Variants in CDH18 observed in about 807,000 individuals in gnomAD.
CDH18 encodes cadherin 18.
In CDH18, 31 loss-of-function variants were observed where a neutral mutation model predicts 67.9. The observed-to-expected ratio is 0.46, with a 90% CI of 0.34 to 0.62. The LOEUF (loss-of-function observed/expected upper bound fraction) is 0.62, where lower values mean the gene tolerates loss of function less well. CDH18 is among the 20% of genes least tolerant of loss of function. CDH18 has a pLI of 0.01. For missense variants in CDH18, 890 were observed against 975.5 expected, an observed-to-expected ratio of 0.91 and a Z score of 1.17; for synonymous variants, 362 against 347.2, an observed-to-expected ratio of 1.04 and a Z score of -0.48.
intron 5 of CDH18, among the ~76,000 whole-genome samples, chr5:19,700,577 G>A (rs1207639170): frequency 6.6e-6 from 1 of 152,140 alleles, no homozygotes; most frequent in African/African-American, 2.4e-5. Flanking sequence ...AGGATTGTGA[G>A]CAGAAAGCAC....
At chr5:20,046,095 G>A (rs146287565) in intron 2 of CDH18, among the ~76,000 whole-genome samples, 245 of 152,080 alleles carry the variant, frequency 1.6e-3, no homozygotes, top group Non-Finnish European at 2.5e-3. Context: ...ACTTTAGGAT[G>A]CTATTACAAA....
chr5:19,689,664 C>A (rs1274301613), intron 5 of CDH18, among the ~76,000 whole-genome samples: 2 of 151,620 alleles, frequency 1.3e-5, no homozygotes, highest in Admixed American at 6.6e-5. Flanking sequence ...TACAAAAAAA[C>A]CACCAAACCA....
intron 2 of CDH18, among the ~76,000 whole-genome samples, chr5:20,163,571 G>A (rs1017325383): frequency 6.6e-6 from 1 of 151,986 alleles, no homozygotes; most frequent in African/African-American, 2.4e-5. Flanking sequence ...GATCACCATG[G>A]ACTTAATTAT....
intron 1 of CDH18, among the ~76,000 whole-genome samples, chr5:20,313,900 G>T (rs1040469209): frequency 2.3e-4 from 35 of 152,084 alleles, no homozygotes; most frequent in African/African-American, 8.4e-4. Context: ...ACTCAAAGAA[G>T]GCGACCAACA....
At chr5:19,750,138 C>T (rs369779951) in intron 3 of CDH18, among the ~76,000 whole-genome samples, 14 of 152,078 alleles carry the variant, frequency 9.2e-5, no homozygotes, top group South Asian at 8.3e-4. Context: ...GTAACACTAA[C>T]GGGAAACCAT....
At chr5:20,011,562 G>C (rs973899732) in intron 2 of CDH18, among the ~76,000 whole-genome samples, 1 of 152,054 alleles carries the variant, frequency 6.6e-6, no homozygotes, top group Non-Finnish European at 1.5e-5. Flanking sequence ...TCCAGCTTTT[G>C]ATTATTCAGG....
At chr5:20,436,693 T>C (rs893798565) in intron 1 of CDH18, among the ~76,000 whole-genome samples, 2 of 151,414 alleles carry the variant, frequency 1.3e-5, no homozygotes, top group Non-Finnish European at 3.0e-5. Flanking sequence ...CATACACATA[T>C]ATATTTTTGA....
intron 1 of CDH18, among the ~76,000 whole-genome samples, chr5:20,288,680 T>C (rs1746872154): frequency 6.6e-6 from 1 of 151,824 alleles, no homozygotes; most frequent in Non-Finnish European, 1.5e-5. Flanking sequence ...TTGATCATAA[T>C]AGATCCTTTC....
At chr5:20,108,262 T>G (rs2126316100) in intron 2 of CDH18, among the ~76,000 whole-genome samples, 1 of 152,084 alleles carries the variant, frequency 6.6e-6, no homozygotes, top group Admixed American at 6.5e-5. Flanking sequence ...TTTTATTTTT[T>G]TTTATTTTTA....
intron 2 of CDH18, among the ~76,000 whole-genome samples, chr5:20,188,077 T>C (rs1738242107): frequency 6.6e-6 from 1 of 151,930 alleles, no homozygotes; most frequent in Non-Finnish European, 1.5e-5. Flanking sequence ...AACTAACAAA[T>C]ATTCATACTA....
rs1443844841 is a variant in CDH18 at position 19,755,440 on chromosome 5, T to C, written c.229-8204A>G. ...AGAACTAACAGGGTATGTATATATATATATATATATATATATATACACACA... is the reference window on the plus strand; with the variant it reads ...AGAACTAACAGGGTATGTATATATACATATATATATATATATATACACACA... On this transcript the variant is annotated intron_variant, in intron 3 of 12. Transcript: ENST00000382275. Among the ~76,000 whole-genome samples the C allele has an allele frequency of 4.5e-4, 5 of 11,068 alleles. 1 individual carries two copies. Among genetic ancestry groups the C allele is most frequent in the East Asian group, 0.33 (2 of 6 alleles). 7.3% of individuals were successfully genotyped at this position (11,068 alleles called of 152,430 possible).
intron 1 of CDH18, among the ~76,000 whole-genome samples, chr5:20,539,133 G>A (rs944751584): frequency 6.6e-6 from 1 of 151,810 alleles, no homozygotes; most frequent in Non-Finnish European, 1.5e-5. Flanking sequence ...AAGTAATCCA[G>A]CCGCTTCAGC....
chr5:19,975,130 TATATAA>T (rs1798379353), intron 2 of CDH18, among the ~76,000 whole-genome samples: 1 of 152,138 alleles, frequency 6.6e-6, no homozygotes, highest in Admixed American at 6.6e-5. Flanking sequence ...AATGATACAT[TATATAA>T]ATATAACATT....
intron 2 of CDH18, among the ~76,000 whole-genome samples, chr5:20,186,974 G>A (rs565161772): frequency 2.6e-5 from 4 of 151,988 alleles, no homozygotes; most frequent in African/African-American, 9.6e-5. Flanking sequence ...AAAAAGTAAG[G>A]AAATTCTGAC....
At chr5:20,056,589 C>T (rs1304734715) in intron 2 of CDH18, among the ~76,000 whole-genome samples, 4 of 133,576 alleles carry the variant, frequency 3.0e-5, no homozygotes, top group Non-Finnish European at 6.2e-5. Context: ...GATCTTTGTC[C>T]TCATTTGATG....
chr5:19,515,868 A>G (rs1412650640), intron 10 of CDH18, among the ~76,000 whole-genome samples: 1 of 152,166 alleles, frequency 6.6e-6, no homozygotes, highest in Non-Finnish European at 1.5e-5. Context: ...TGCCCTGGCC[A>G]GAACTTCCAA....
At chr5:20,348,643 A>G (rs577341740) in intron 1 of CDH18, among the ~76,000 whole-genome samples, 2 of 152,318 alleles carry the variant, frequency 1.3e-5, no homozygotes, top group Non-Finnish European at 2.9e-5. Flanking sequence ...GCTTGGAAAT[A>G]TAAGAATCCA....
Position 19,502,978 on chromosome 5 carries a change from GTA to G in CDH18, c.1630+12_1630+13del, listed in dbSNP as rs1561212491. 2.2e-6 allele frequency: 3 copies of G among 1,357,558 alleles called. No individual in the cohort carries two copies. The highest frequency in any genetic ancestry group is 3.2e-6 in the Non-Finnish European group (3 of 946,320). 84.1% of individuals were successfully genotyped at this position (1,357,558 alleles called of 1,614,324 possible). On this transcript the variant is annotated intron_variant, in intron 11 of 12. Transcript: ENST00000382275. ...ATACCACATAGATAAACAAATATGT[GTA>G]TATATGTTCACCTTCATTGTCCTTC...
At chr5:20,383,591 A>G (rs1744084407) in intron 1 of CDH18, among the ~76,000 whole-genome samples, 2 of 152,158 alleles carry the variant, frequency 1.3e-5, no homozygotes, top group South Asian at 4.1e-4. Context: ...TTTCTAGCTG[A>G]TCAACTGGCA....
Sources: gnomAD v4.1 joint callset for allele counts (sites outside exome capture counted in the v4.1 genomes callset) on GRCh38, gnomAD v4.1.1 for gene constraint, MANE v1.5 for transcripts, NCBI Gene and HGNC (gene_info 2026-07-23, HGNC 2026-07-21) for gene names.